COG7: variants seen among roughly 807,000 people sequenced by gnomAD.
The protein encoded by COG7 is conserved oligomeric Golgi complex subunit 7.
In COG7, 49 loss-of-function variants were observed where a neutral mutation model predicts 91.5. That is an observed-to-expected ratio of 0.54 (90% confidence interval 0.43 to 0.68). COG7 has a LOEUF of 0.68. COG7 is among the 30% of genes least tolerant of loss of function. The probability of loss-of-function intolerance (pLI) is 0.00; values close to 1 mark genes in which losing one functional copy is unlikely to be tolerated. For missense variants in COG7, 895 were observed against 961.3 expected (o/e 0.93, Z 0.91); for synonymous variants, 365 against 388.7 (o/e 0.94, Z 0.72).
intron 16 of COG7, 45 bp from the exon 17 acceptor site, chr16:23,389,131 A>T: frequency 6.2e-7 from 1 of 1,605,584 alleles, no homozygotes; most frequent in South Asian, 1.1e-5. Flanking sequence ...CAGACTCAGC[A>T]CCAAGCAGGT....
At chr16:23,448,508 GGCTGGTCTGGAACT>G (rs1233097182) in intron 1 of COG7, among the ~76,000 whole-genome samples, 3 of 152,016 alleles carry the variant, frequency 2.0e-5, no homozygotes, top group Non-Finnish European at 2.9e-5. Context: ...ATGTTGTCTA[GGCTGGTCTGGAACT>G]GCTGGTCTGG....
At chr16:23,435,544 C>T (rs921710062) in intron 4 of COG7, among the ~76,000 whole-genome samples, 4 of 152,162 alleles carry the variant, frequency 2.6e-5, no homozygotes, top group African/African-American at 7.2e-5. Flanking sequence ...CCAGGCTCAC[C>T]GCTGGACAGA....
intron 4 of COG7, among the ~76,000 whole-genome samples, chr16:23,435,324 G>A (rs1441095826): frequency 2.0e-5 from 3 of 152,092 alleles, no homozygotes; most frequent in African/African-American, 4.8e-5. Context: ...CCAAGATCGC[G>A]CCACTGCACT....
intron 11 of COG7, among the ~76,000 whole-genome samples, chr16:23,407,788 G>C (rs1453777229): frequency 6.6e-6 from 1 of 152,038 alleles, no homozygotes; most frequent in Non-Finnish European, 1.5e-5. Context: ...GTCTTCGGGG[G>C]ACAGTTCAAT....
intron 1 of COG7, among the ~76,000 whole-genome samples, chr16:23,452,270 G>C (rs190443778): frequency 1.2e-3 from 178 of 152,292 alleles, no homozygotes; most frequent in African/African-American, 4.2e-3. Flanking sequence ...AGTTCCAAAA[G>C]GAAACTTCAG....
At chr16:23,416,640 CT>C in intron 9 of COG7, 1 of 363,078 alleles carries the variant, frequency 2.8e-6, no homozygotes, top group South Asian at 2.4e-5. Context: ...GCCAAAGGTC[CT>C]TTTTCTTGTT....
Position 23,398,146 on chromosome 16 carries a change from A to G in COG7, c.1804-17T>C. 4 of 1,609,308 alleles carry G rather than the reference A, an allele frequency of 2.5e-6. No individual in the cohort carries two copies. The highest frequency in any genetic ancestry group is 3.4e-6 in the Non-Finnish European group (4 of 1,175,748). On this transcript the variant is annotated splice_polypyrimidine_tract_variant and intron_variant, in intron 13 of 16. Coordinates refer to ENST00000307149, the MANE Select transcript of COG7 (RefSeq NM_153603.4). ...ATTCCAGCTCTAAGGGTGGAACGAG[A>G]GGACACAATCAGTACCTAGCAGCCA...
Position 23,453,080 on chromosome 16 carries a change from G to C in COG7, c.-86C>G, listed in dbSNP as rs1442517544. ...GATGCAGAAGCGAGCGAGCCTGCGA[G>C]AGCACCGAGGCTAGCCTCCGAGGCG... is the stretch of plus-strand genomic sequence containing the variant. On this transcript the variant is annotated 5_prime_UTR_variant, in exon 1 of 17. Transcript: ENST00000307149. 6.3e-7 allele frequency: 1 copy of C among 1,590,200 alleles called. No individual in the cohort carries two copies. The highest frequency in any genetic ancestry group is 8.6e-7 in the Non-Finnish European group (1 of 1,167,286).
At chr16:23,391,943 T>G in intron 16 of COG7, 1 of 1,059,120 alleles carries the variant, frequency 9.4e-7, no homozygotes, top group Non-Finnish European at 1.2e-6. Flanking sequence ...ATCGGTATGA[T>G]GGAGAAGAGA....
intron 9 of COG7, 32 bp downstream of exon 9, chr16:23,416,935 G>A (rs900402591): frequency 6.2e-7 from 1 of 1,613,696 alleles, no homozygotes; most frequent in African/African-American, 1.3e-5. Context: ...GCTCCAATGT[G>A]GCCCGTCTGG....
At position 23,417,086 on chromosome 16, in the gene COG7, C is replaced by T; in HGVS notation, c.1173G>A (p.Leu391=). The change falls in exon 9 of 17, where the codon CTG becomes CTA. Residue 391 remains leucine, a synonymous_variant. Coordinates refer to ENST00000307149, the MANE Select transcript of COG7 (RefSeq NM_153603.4). ...HGEVIDCVQE[L]SHSVNKLFGL... is the part of the protein sequence containing the mutation. The stretch of plus-strand genomic sequence containing the variant: ...CAAACAGCTTGTTCACGGAGTGGCT[C>T]AGCTCCTGCACACAGTCAATCACTT... 6.2e-7 allele frequency: 1 copy of T among 1,614,230 alleles called. No homozygotes were observed. Among genetic ancestry groups the T allele is most frequent in the South Asian group, 1.1e-5 (1 of 91,088 alleles).
At position 23,439,417 on chromosome 16, in the gene COG7, A is replaced by T. The variant is rs1274145065; in HGVS notation, c.604+3060T>A. Among the ~76,000 whole-genome samples, 4 of 152,186 alleles carry T rather than the reference A, an allele frequency of 2.6e-5. No individual in the cohort carries two copies. In the East Asian group the frequency reaches 7.7e-4, roughly 29 times the overall value. ...TCAAACAGACACTTGTACACCCATG[A>T]TCATTCTAGCATTCTTCACAATAGC... is the stretch of plus-strand genomic sequence containing the variant. On this transcript the variant is annotated intron_variant, in intron 4 of 16. Coordinates refer to ENST00000307149, the MANE Select transcript of COG7 (RefSeq NM_153603.4).
intron 14 of COG7, 66 bp downstream of exon 14, chr16:23,397,980 G>A: frequency 7.2e-7 from 1 of 1,379,930 alleles, no homozygotes. Flanking sequence ...ATAAGGGCAA[G>A]AATCAAAAGA....
intron 13 of COG7, among the ~76,000 whole-genome samples, chr16:23,402,357 T>G (rs1048024272): frequency 8.0e-5 from 12 of 149,608 alleles, no homozygotes; most frequent in African/African-American, 2.5e-4. Flanking sequence ...TTTTTTTTTT[T>G]GTATTTTCTT....
intron 14 of COG7, among the ~76,000 whole-genome samples, chr16:23,395,143 A>C (rs1963266142): frequency 6.6e-6 from 1 of 152,160 alleles, no homozygotes; most frequent in South Asian, 2.1e-4. Context: ...CAGATGGTAA[A>C]ATAAATCATT....
At chr16:23,418,610 G>A (rs376584773) in intron 8 of COG7, 90 bp downstream of exon 8, 3 of 1,248,940 alleles carry the variant, frequency 2.4e-6, no homozygotes, top group South Asian at 1.2e-5. Flanking sequence ...TCAGCACCCC[G>A]GATCCCAACC....
intron 15 of COG7, among the ~76,000 whole-genome samples, chr16:23,392,923 T>C (rs1347080958): frequency 6.6e-6 from 1 of 152,086 alleles, no homozygotes; most frequent in Non-Finnish European, 1.5e-5. Context: ...ACAGCAAGAC[T>C]CTGTCTCAAT....
chr16:23,443,850 C>T (rs1212224399), intron 3 of COG7, among the ~76,000 whole-genome samples: 1 of 151,842 alleles, frequency 6.6e-6, no homozygotes, highest in Admixed American at 6.6e-5. Context: ...GGCTTGTCCG[C>T]ACAAGAAAAA....
intron 6 of COG7, 70 bp from the exon 7 acceptor site, chr16:23,425,017 CT>C: frequency 7.2e-7 from 1 of 1,396,406 alleles, no homozygotes; most frequent in Non-Finnish European, 9.9e-7. Flanking sequence ...TTTTAAAAAA[CT>C]TTTTTGAGAT....
Sources: gnomAD v4.1 joint callset for allele counts (sites outside exome capture counted in the v4.1 genomes callset) on GRCh38, gnomAD v4.1.1 for gene constraint, MANE v1.5 for transcripts, NCBI Gene and HGNC (gene_info 2026-07-23, HGNC 2026-07-21) for gene names.